Variants in CSMD1 observed in about 807,000 individuals in gnomAD.
CSMD1 encodes CUB and Sushi multiple domains 1, also known as CUB and sushi domain-containing protein 1.
A neutral mutation model predicts 417.5 loss-of-function variants in CSMD1; 213 were observed. That is an observed-to-expected ratio of 0.51 (90% CI 0.46 to 0.57). CSMD1 has a LOEUF of 0.57. Ranked by LOEUF, CSMD1 falls within the 20% of genes least tolerant of loss-of-function variation. The probability of loss-of-function intolerance (pLI) is 0.00; values close to 1 mark genes in which losing one functional copy is unlikely to be tolerated. For missense variants in CSMD1, 6,923 were observed against 4,529.7 expected, an observed-to-expected ratio of 1.53 and a Z score of -15.17; for synonymous variants, 2,862 against 1,736.8, an observed-to-expected ratio of 1.65 and a Z score of -16.11.
chr8:3,702,596 C>T lies in CSMD1; in HGVS notation c.1009+5818G>A, dbSNP rs567072111. On this transcript the variant is annotated intron_variant, in intron 7 of 69. Coordinates refer to ENST00000635120, the MANE Select transcript of CSMD1 (RefSeq NM_033225.6). Reference sequence around the variant, plus strand: ...CTGTAATCCCAGCACTTTGGGAGGCCGAGGCAGGCAGATCGCCTGAGGTCA... The same window carrying T: ...CTGTAATCCCAGCACTTTGGGAGGCTGAGGCAGGCAGATCGCCTGAGGTCA... 1.1e-4 allele frequency among the ~76,000 whole-genome samples: 17 copies of T among 152,240 alleles called. No individual in the cohort carries two copies. The South Asian group carries it at 3.1e-3, about 28-fold the overall frequency.
chr8:4,311,925 G>A (rs1186033666), intron 3 of CSMD1, among the ~76,000 whole-genome samples: 1 of 151,876 alleles, frequency 6.6e-6, no homozygotes, highest in African/African-American at 2.4e-5. Flanking sequence ...TTATTTACCT[G>A]TGTAACAAAC....
At chr8:4,539,896 G>A (rs934416648) in intron 2 of CSMD1, among the ~76,000 whole-genome samples, 1 of 152,018 alleles carries the variant, frequency 6.6e-6, no homozygotes, top group Admixed American at 6.6e-5. Context: ...AGAGAGGTTG[G>A]GTGTGCGGAA....
intron 1 of CSMD1, among the ~76,000 whole-genome samples, chr8:4,821,521 T>C (rs1799523562): frequency 6.6e-6 from 1 of 152,170 alleles, no homozygotes; most frequent in Non-Finnish European, 1.5e-5. Flanking sequence ...TTATGAAATA[T>C]CTTACAGTAC....
chr8:4,237,070 T>G (rs1186594377), intron 3 of CSMD1, among the ~76,000 whole-genome samples: 4 of 152,212 alleles, frequency 2.6e-5, no homozygotes, highest in Admixed American at 2.6e-4. Flanking sequence ...TCCTTATGAT[T>G]ACGCCTACAA....
At chr8:3,906,966 A>G (rs1464961727) in intron 5 of CSMD1, among the ~76,000 whole-genome samples, 1 of 152,212 alleles carries the variant, frequency 6.6e-6, no homozygotes, top group Non-Finnish European at 1.5e-5. Flanking sequence ...CAGTTATCAG[A>G]CAACTGAAAC....
At chr8:4,989,061 G>A (rs991674418) in intron 1 of CSMD1, among the ~76,000 whole-genome samples, 2 of 152,152 alleles carry the variant, frequency 1.3e-5, no homozygotes, top group African/African-American at 2.4e-5. Context: ...TTACTTCCTT[G>A]CATTTAGGCA....
intron 5 of CSMD1, among the ~76,000 whole-genome samples, chr8:3,914,581 T>C (rs1370066533): frequency 1.3e-5 from 2 of 152,156 alleles, no homozygotes; most frequent in East Asian, 3.9e-4. Flanking sequence ...CTCCTTAAAA[T>C]AAAATAAATT....
chr8:3,758,960 G>A (rs1246688420), intron 5 of CSMD1, among the ~76,000 whole-genome samples: 1 of 152,194 alleles, frequency 6.6e-6, no homozygotes, highest in African/African-American at 2.4e-5. Context: ...GACGCATTGA[G>A]GGCTTCACCC....
chr8:3,548,749 C>T (rs1276852481), intron 10 of CSMD1, among the ~76,000 whole-genome samples: 1 of 150,704 alleles, frequency 6.6e-6, no homozygotes, highest in Non-Finnish European at 1.5e-5. Context: ...TGGGTTGTTT[C>T]TAAAGAGTAA....
intron 11 of CSMD1, among the ~76,000 whole-genome samples, chr8:3,485,190 T>C (rs935004050): frequency 6.6e-6 from 1 of 152,170 alleles, no homozygotes; most frequent in Admixed American, 6.5e-5. Flanking sequence ...ATATAAACTG[T>C]GGAACATTCA....
chr8:3,947,472 T>A (rs1488792157), intron 5 of CSMD1, among the ~76,000 whole-genome samples: 1 of 152,222 alleles, frequency 6.6e-6, no homozygotes, highest in Non-Finnish European at 1.5e-5. Flanking sequence ...TTCATCCAGT[T>A]TAATTTTTTA....
chr8:3,108,923 C>A (rs538740748), intron 43 of CSMD1, among the ~76,000 whole-genome samples, 175 bp from the exon 44 acceptor site: 37 of 152,332 alleles, frequency 2.4e-4, no homozygotes, highest in African/African-American at 8.7e-4. Flanking sequence ...GAGGAACCCT[C>A]CAGTCTCTGT....
intron 1 of CSMD1, among the ~76,000 whole-genome samples, chr8:4,640,888 G>T (rs1002318859): frequency 1.3e-5 from 2 of 149,116 alleles, no homozygotes; most frequent in Non-Finnish European, 3.0e-5. Flanking sequence ...AAAGTCTAAT[G>T]GTCTTCTTCC....
chr8:3,958,899 G>C (rs1812142634), intron 5 of CSMD1, among the ~76,000 whole-genome samples: 1 of 152,202 alleles, frequency 6.6e-6, no homozygotes, highest in South Asian at 2.1e-4. Context: ...CAGTGAACGT[G>C]ACAATTCTAA....
intron 3 of CSMD1, among the ~76,000 whole-genome samples, chr8:4,286,688 T>G (rs1797073823): frequency 6.6e-6 from 1 of 152,120 alleles, no homozygotes; most frequent in Non-Finnish European, 1.5e-5. Context: ...AGGGCCACAG[T>G]GGAAATCAAA....
At chr8:4,509,199 T>C (rs1477515423) in intron 2 of CSMD1, among the ~76,000 whole-genome samples, 1 of 152,110 alleles carries the variant, frequency 6.6e-6, no homozygotes, top group Non-Finnish European at 1.5e-5. Flanking sequence ...CATCCAAACA[T>C]TATAAATTTG....
intron 26 of CSMD1, among the ~76,000 whole-genome samples, chr8:3,261,932 AG>A (rs1801094924): frequency 6.6e-6 from 1 of 151,950 alleles, no homozygotes; most frequent in Non-Finnish European, 1.5e-5. Context: ...ACTTATTGAT[AG>A]TATCAATGTC....
intron 1 of CSMD1, among the ~76,000 whole-genome samples, chr8:4,678,290 A>G (rs572516107): frequency 3.3e-5 from 5 of 152,100 alleles, no homozygotes; most frequent in Non-Finnish European, 7.4e-5. Context: ...ACGCACCTGT[A>G]GTCCCAACTA....
chr8:4,664,824 G>A (rs921972449), intron 1 of CSMD1, among the ~76,000 whole-genome samples: 1 of 151,966 alleles, frequency 6.6e-6, no homozygotes, highest in African/African-American at 2.4e-5. Flanking sequence ...AATCTTCTTT[G>A]TATGCATTTC....
Sources: allele counts gnomAD v4.1 joint callset (sites outside exome capture counted in the v4.1 genomes callset), GRCh38; gene constraint gnomAD v4.1.1; transcripts MANE v1.5; gene names NCBI Gene and HGNC (gene_info 2026-07-23, HGNC 2026-07-21).